ZNF185: variants seen among roughly 807,000 people sequenced by gnomAD.
The protein encoded by ZNF185 is zinc finger protein 185 with LIM domain.
A neutral mutation model predicts 58.6 loss-of-function variants in ZNF185; 56 were observed. The observed-to-expected ratio is 0.95, with a 90% CI of 0.77 to 1.19. ZNF185 has a LOEUF of 1.19. Ranked by LOEUF, ZNF185 falls within the 50% of genes most tolerant of loss-of-function variation. ZNF185 has a pLI of 0.00. For missense variants in ZNF185, 627 were observed against 573.5 expected, an observed-to-expected ratio of 1.09 and a Z score of -0.95; for synonymous variants, 230 against 215.9, an observed-to-expected ratio of 1.07 and a Z score of -0.57.
chrX:152,938,008 G>A lies in ZNF185; in HGVS notation c.1122-66G>A, dbSNP rs145342518. On this transcript the variant is annotated intron_variant, in intron 14 of 22. Coordinates refer to ENST00000449285, the Ensembl canonical transcript of ZNF185. ...TTTCTGGTGAGAAGGCAGCCTGGAG[G>A]GGGAAGACCTGGGCCCCAGCCTTCT... 7,850 of 1,058,878 alleles carry A rather than the reference G, an allele frequency of 7.4e-3. 185 individuals carry two copies. In the East Asian group the frequency reaches 0.092, roughly 12 times the overall value. 87.3% of individuals were successfully genotyped at this position (1,058,878 alleles called of 1,213,427 possible).
intron 3 of ZNF185, among the ~76,000 whole-genome samples, chrX:152,915,605 T>C (rs1938291749): frequency 8.8e-6 from 1 of 113,024 alleles, no homozygotes; most frequent in African/African-American, 3.2e-5. Flanking sequence ...GACTCACTCC[T>C]GCAGGTCACC....
chrX:152,930,975 C>T (rs1556876728), intron 12 of ZNF185, among the ~76,000 whole-genome samples: 1 of 111,762 alleles, frequency 8.9e-6, no homozygotes, highest in Non-Finnish European at 1.9e-5. Flanking sequence ...CTCTTATTAC[C>T]TGTGAAATTT....
intron 14 of ZNF185, among the ~76,000 whole-genome samples, chrX:152,935,196 T>TA (rs1437600751): frequency 9.0e-6 from 1 of 110,907 alleles, no homozygotes; most frequent in Non-Finnish European, 1.9e-5. Context: ...TGACCACACT[T>TA]AGTTTGACTA....
chrX:152,966,062 C>T lies in ZNF185; in HGVS notation c.1799+535C>T, dbSNP rs182867583. Among the ~76,000 whole-genome samples the T allele has an allele frequency of 2.0e-4, 22 of 109,773 alleles. No individual in the cohort carries two copies. In the East Asian group the frequency reaches 5.5e-3, roughly 27 times the overall value. ...TTGCTCTGTTGCCCAGGCTGGAGTG[C>T]AGTGGCGCCATCTCAGCTCACCACA... On this transcript the variant is annotated intron_variant, in intron 19 of 22. Transcript: ENST00000449285.
At position 152,970,425 on chromosome X, in the gene ZNF185, G is replaced by A; in HGVS notation, c.1975-18G>A. On this transcript the variant is annotated intron_variant, in intron 21 of 22. Coordinates refer to ENST00000449285, the Ensembl canonical transcript of ZNF185. The stretch of plus-strand genomic sequence containing the variant: ...GCTTTGCTTTGTGTGTTGACCTCCA[G>A]CTTGCTTTTCTTTTCAGTGTGGGAT... 1 of 1,203,785 alleles carries A rather than the reference G, an allele frequency of 8.3e-7. No homozygotes were observed. Among genetic ancestry groups the A allele is most frequent in the African/African-American group, 1.7e-5 (1 of 57,395 alleles).
chrX:152,907,559 C>T, the ZNF185 span, among the ~76,000 whole-genome samples: 3 of 113,342 alleles, frequency 2.6e-5, no homozygotes, highest in South Asian at 1.1e-3. Flanking sequence ...TCTCAGCCCA[C>T]TTGGCCAGAG....
chrX:152,968,334 A>C (rs1171556454), intron 20 of ZNF185, among the ~76,000 whole-genome samples: 1 of 112,020 alleles, frequency 8.9e-6, no homozygotes, highest in Non-Finnish European at 1.9e-5. Flanking sequence ...TACTCTAGGG[A>C]CCCCCCTTTC....
At chrX:152,945,288 G>C (rs782726194) in exon 16 of ZNF185, 2 of 1,208,387 alleles carry the variant, frequency 1.7e-6, no homozygotes, top group East Asian at 3.0e-5. Context: ...ATTATGAGGG[G>C]AAGGATGTGG....
chrX:152,928,124 C>T (rs1365188917), intron 11 of ZNF185, among the ~76,000 whole-genome samples: 1 of 102,034 alleles, frequency 9.8e-6, no homozygotes, highest in Admixed American at 1.0e-4. Context: ...CCCGAGTCTG[C>T]GACATCCCCT....
chrX:152,902,691 C>T, the ZNF185 span, among the ~76,000 whole-genome samples: 2 of 111,915 alleles, frequency 1.8e-5, no homozygotes, highest in Non-Finnish European at 3.8e-5. Context: ...TCTGAAAATG[C>T]TTGTTGCATA....
chrX:152,935,291 A>G (rs2046141704), intron 14 of ZNF185, among the ~76,000 whole-genome samples: 1 of 100,529 alleles, frequency 9.9e-6, no homozygotes, highest in African/African-American at 3.7e-5. Context: ...GCTGGAGTGC[A>G]CTGGTGCGAT....
chrX:152,903,858 G>A, the ZNF185 span, among the ~76,000 whole-genome samples: 16,372 of 110,717 alleles, frequency 0.15, 924 homozygotes, highest in Non-Finnish European at 0.17. Flanking sequence ...CACCCCCAGC[G>A]CCCCACCACC....
At chrX:152,910,857 G>C (rs1193530238), upstream of ZNF185, among the ~76,000 whole-genome samples, 1 of 112,246 alleles carries the variant, frequency 8.9e-6, no homozygotes, top group African/African-American at 3.2e-5. Context: ...ATCCTTCAAG[G>C]CTGCTTACAT....
the ZNF185 span, among the ~76,000 whole-genome samples, chrX:152,905,460 C>G: frequency 8.9e-6 from 1 of 111,954 alleles, no homozygotes; most frequent in African/African-American, 3.2e-5. Context: ...TGTGAAGGGT[C>G]TTTCGTGGGA....
intron 15 of ZNF185, among the ~76,000 whole-genome samples, chrX:152,938,524 A>G (rs991379191): frequency 1.1e-4 from 12 of 111,604 alleles, no homozygotes; most frequent in Admixed American, 4.7e-4. Flanking sequence ...GATTAGAGCA[A>G]TACATGAGCG....
chrX:152,927,684 A>T (rs373311977), intron 11 of ZNF185, among the ~76,000 whole-genome samples: 1 of 111,800 alleles, frequency 8.9e-6, no homozygotes, highest in East Asian at 2.8e-4. Context: ...CACTGCTCCC[A>T]TGGCTAAACC....
At chrX:152,923,415 C>T (rs1436202731) in intron 11 of ZNF185, among the ~76,000 whole-genome samples, 1 of 112,515 alleles carries the variant, frequency 8.9e-6, no homozygotes, top group Non-Finnish European at 1.9e-5. Context: ...CCCCAGGCAG[C>T]AGACTGCCAG....
At position 152,931,796 on chromosome X, in the gene ZNF185, A is replaced by G. The variant is rs1556877672; in HGVS notation, c.1022+20A>G. On this transcript the variant is annotated intron_variant, in intron 13 of 22. Transcript: ENST00000449285. ...TGCAAGGTAACTCAGTGCAGGAAGC[A>G]GACACTTCATTCCCAGAACACGGAG... The G allele has an allele frequency of 8.5e-7, 1 of 1,171,225 alleles. No homozygotes were observed. The highest frequency in any genetic ancestry group is 1.2e-6 in the Non-Finnish European group (1 of 867,228).
chrX:152,948,610 A>G (rs2048007130), intron 16 of ZNF185, among the ~76,000 whole-genome samples: 1 of 111,250 alleles, frequency 9.0e-6, no homozygotes, highest in African/African-American at 3.3e-5. Context: ...TCCCTCAGAA[A>G]TTTGCCTTGT....
Sources: allele counts gnomAD v4.1 joint callset (sites outside exome capture counted in the v4.1 genomes callset), GRCh38; gene constraint gnomAD v4.1.1; transcripts MANE v1.5; gene names NCBI Gene and HGNC (gene_info 2026-07-23, HGNC 2026-07-21).